The following KRTCAP3 variants were observed in gnomAD, a reference collection of about 807,000 sequenced individuals.
KRTCAP3 encodes keratinocyte-associated protein 3.
KRTCAP3 carries 18 observed loss-of-function variants against 20.5 expected under a neutral mutation model. The observed-to-expected ratio is 0.88, with a 90% CI of 0.61 to 1.31. The LOEUF is 1.31. KRTCAP3 is among the 50% of genes most tolerant of loss of function. KRTCAP3 has a pLI of 0.00. For missense variants in KRTCAP3, 347 were observed against 310.4 expected (o/e 1.12, Z -0.89); for synonymous variants, 167 against 133.7 (o/e 1.25, Z -1.72).
rs1294211085 is a variant in KRTCAP3 at position 27,443,263 on chromosome 2, G to C, written c.463G>C (p.Asp155His). 2 of 1,614,160 alleles carry C rather than the reference G, an allele frequency of 1.2e-6. No individual in the cohort carries two copies. The highest frequency in any genetic ancestry group is 4.5e-5 in the East Asian group (2 of 44,880). Residue 155 changes from aspartate to histidine, a missense_variant, in exon 4 of 7, where the codon GAC becomes CAC. Transcript: ENST00000288873. The stretch of plus-strand genomic sequence containing the variant: ...GCCGGGACATACTGACTGCCCCTTT[G>C]ACCCCACAAGAATCTATGTGAGCAC... ...EGPGHTDCPF[D>H]PTRIYDTALA...
downstream of KRTCAP3, chr2:27,444,515 G>A: frequency 6.2e-7 from 1 of 1,613,312 alleles, no homozygotes; most frequent in Non-Finnish European, 8.5e-7. Flanking sequence ...ACTGGGCTGT[G>A]GGAGGTCTGT....
chr2:27,443,937 C>CA lies in KRTCAP3; in HGVS notation c.616-12_616-11insA. On this transcript the variant is annotated splice_polypyrimidine_tract_variant and intron_variant, in intron 5 of 6. Coordinates refer to ENST00000288873, the MANE Select transcript of KRTCAP3 (RefSeq NM_173853.4). Reference sequence around the variant, plus strand: ...TCAGGGCGAGGGTGTCTAACTCTATCTTCTTCTGCAGCTAGAGGAAATGAC... The same window carrying CA: ...TCAGGGCGAGGGTGTCTAACTCTATCATTCTTCTGCAGCTAGAGGAAATGAC... The CA allele has an allele frequency of 6.7e-7, 1 of 1,485,978 alleles. No homozygotes were observed. Among genetic ancestry groups the CA allele is most frequent in the Non-Finnish European group, 9.4e-7 (1 of 1,063,222 alleles). The allele number at this position is 1,485,978 out of a possible 1,614,324, so 92.0% of individuals were successfully genotyped here. A position where few individuals can be genotyped will look rare whatever the true frequency, so the allele number is the denominator to read the frequency against.
At chr2:27,444,571 C>G (rs779787513), downstream of KRTCAP3, 45 of 1,437,308 alleles carry the variant, frequency 3.1e-5, no homozygotes, top group Non-Finnish European at 4.3e-5. Context: ...GCTGGAAATA[C>G]AAAATCAGCT....
intron 5 of KRTCAP3, 81 bp downstream of exon 5, chr2:27,443,613 T>A: frequency 6.7e-7 from 1 of 1,486,580 alleles, no homozygotes; most frequent in Non-Finnish European, 9.3e-7. Flanking sequence ...GTGCGGAGGC[T>A]CACACCTGTA....
chr2:27,442,803 G>A (rs1461333071), intron 2 of KRTCAP3, 39 bp from the exon 3 acceptor site: 5 of 1,611,146 alleles, frequency 3.1e-6, no homozygotes, highest in African/African-American at 2.7e-5. Context: ...CCGGGCTCCC[G>A]GAGAGCCCAG....
chr2:27,445,696 G>A, downstream of KRTCAP3: 1 of 1,594,444 alleles, frequency 6.3e-7, no homozygotes, highest in South Asian at 1.1e-5. The surrounding 1 kb of genome is among the most constrained non-coding windows in gnomAD (Gnocchi z 4.4). Context: ...CCCTCCTCAA[G>A]GCACTCACAC....
Position 27,444,078 on chromosome 2 carries a change from G to T in KRTCAP3, c.*5+17G>T, listed in dbSNP as rs776068769. ...TTAGGACAGGTAATGGGCCTTGAAG[G>T]TGGTGGCCCGGGTAAGAGCGGGGAC... On this transcript the variant is annotated intron_variant, in intron 6 of 6. Coordinates refer to ENST00000288873, the MANE Select transcript of KRTCAP3 (RefSeq NM_173853.4). The T allele has an allele frequency of 1.2e-5, 17 of 1,432,348 alleles. No homozygotes were observed. Among genetic ancestry groups the T allele is most frequent in the Non-Finnish European group, 1.7e-5 (17 of 1,014,864 alleles). 88.7% of individuals were successfully genotyped at this position (1,432,348 alleles called of 1,614,324 possible).
intron 1 of KRTCAP3, 57 bp from the exon 2 acceptor site, chr2:27,442,522 C>G: frequency 6.6e-6 from 10 of 1,524,580 alleles, no homozygotes; most frequent in South Asian, 6.3e-5. Flanking sequence ...TAACCCGCCG[C>G]GAGCCGCCTC....
At chr2:27,445,518 G>C, downstream of KRTCAP3, 3 of 1,522,610 alleles carry the variant, frequency 2.0e-6, no homozygotes, top group Non-Finnish European at 2.7e-6. This position sits in a 1 kb window ranked among gnomAD's most constrained non-coding sequence, Gnocchi z 4.4. Flanking sequence ...GTGGATGGGT[G>C]AGGAGGGGGT....
chr2:27,442,587 C>CG lies in KRTCAP3; in HGVS notation c.42dup (p.Pro15AlafsTer117), dbSNP rs763431030. Reference sequence around the variant, plus strand: ...TCCCCCGTGCTTTGCAGACGCCGCCCGGGGGCCCAGGCGGCTGATGCGTGT... The same window carrying CG: ...TCCCCCGTGCTTTGCAGACGCCGCCCGGGGGGCCCAGGCGGCTGATGCGTGT... On this transcript the variant is annotated frameshift_variant, in exon 2 of 7. Transcript: ENST00000288873. LOFTEE classifies it high-confidence loss of function. 2 of 1,532,516 alleles carry CG rather than the reference C, an allele frequency of 1.3e-6. No individual in the cohort carries two copies. Among genetic ancestry groups the CG allele is most frequent in the African/African-American group, 2.8e-5 (2 of 72,460 alleles). 94.9% of individuals were successfully genotyped at this position (1,532,516 alleles called of 1,614,324 possible). A position where few individuals can be genotyped will look rare whatever the true frequency, so the allele number is the denominator to read the frequency against.
chr2:27,446,237 C>T (rs1665084724), downstream of KRTCAP3: 2 of 1,609,842 alleles, frequency 1.2e-6, no homozygotes, highest in East Asian at 2.2e-5. Context: ...CTATCTGCCC[C>T]ACCCTTCCTT....
chr2:27,443,654 G>A, intron 5 of KRTCAP3, 122 bp downstream of exon 5: 4 of 1,047,880 alleles, frequency 3.8e-6, no homozygotes, highest in Admixed American at 2.3e-5. Flanking sequence ...TGAGGCAGGC[G>A]GATCACTTGA....
At chr2:27,444,302 A>G (rs891082706), downstream of KRTCAP3, 5 of 668,662 alleles carry the variant, frequency 7.5e-6, no homozygotes, top group African/African-American at 9.1e-5. Flanking sequence ...CTTCTACTTG[A>G]TTATGATTCC....
At chr2:27,444,905 T>G, downstream of KRTCAP3, 1 of 1,234,050 alleles carries the variant, frequency 8.1e-7, no homozygotes, top group South Asian at 1.5e-5. Context: ...CACCTTGGCC[T>G]CCCAAAGTGC....
rs748107595 is a variant in KRTCAP3, at chr2:27,443,538, G to C, written c.615+6G>C. On this transcript the variant is annotated splice_donor_region_variant and intron_variant, in intron 5 of 6. Coordinates refer to ENST00000288873, the MANE Select transcript of KRTCAP3 (RefSeq NM_173853.4). ...AGGACGGACTTCAGGGGCAGGTAAGGAAGGCAAACAGGAAGGGTTCATTCC... is the reference window on the plus strand; with the variant it reads ...AGGACGGACTTCAGGGGCAGGTAAGCAAGGCAAACAGGAAGGGTTCATTCC... The C allele has an allele frequency of 3.1e-6, 5 of 1,613,862 alleles. No individual in the cohort carries two copies. The highest frequency in any genetic ancestry group is 4.2e-6 in the Non-Finnish European group (5 of 1,179,930).
At chr2:27,445,274 G>A, downstream of KRTCAP3, 2 of 1,601,282 alleles carry the variant, frequency 1.2e-6, no homozygotes, top group Non-Finnish European at 1.7e-6. The surrounding 1 kb of genome is among the most constrained non-coding windows in gnomAD (Gnocchi z 4.4). Flanking sequence ...CACAGGATCT[G>A]GGGTGCTGTA....
chr2:27,445,292 A>C (rs1664957406), downstream of KRTCAP3: 3 of 1,610,572 alleles, frequency 1.9e-6, no homozygotes, highest in South Asian at 1.1e-5. The surrounding 1 kb of genome is among the most constrained non-coding windows in gnomAD (Gnocchi z 4.4). Flanking sequence ...GTAGGCTTCT[A>C]TACCTGTAAT....
chr2:27,446,304 G>A (rs1558351044), downstream of KRTCAP3: 2 of 1,614,256 alleles, frequency 1.2e-6, no homozygotes. Context: ...TCTACAGGTA[G>A]TAGCTGGGTG....
chr2:27,442,721 G>A lies in KRTCAP3; in HGVS notation c.171G>A (p.Glu57=). 1 of 1,603,190 alleles carries A rather than the reference G, an allele frequency of 6.2e-7. No homozygotes were observed. Among genetic ancestry groups the A allele is most frequent in the African/African-American group, 1.3e-5 (1 of 74,682 alleles). The part of the protein sequence containing the change: ...VANPRGAVTP[E]YTVANVISVG... ...ATCCCCGCGGCGCTGTCACGCCGGAGTACACCGTAGCCAATGTCATCTCTG... is the reference window on the plus strand; with the variant it reads ...ATCCCCGCGGCGCTGTCACGCCGGAATACACCGTAGCCAATGTCATCTCTG... The change falls in exon 2 of 7, where the codon GAG becomes GAA. Residue 57 remains glutamate, a synonymous_variant. Transcript: ENST00000288873.
Sources: allele counts gnomAD v4.1 joint callset, GRCh38; gene constraint gnomAD v4.1.1; non-coding constraint Gnocchi (gnomAD v3.1); transcripts MANE v1.5; gene names NCBI Gene and HGNC (gene_info 2026-07-23, HGNC 2026-07-21).